Variants in SCEL observed in about 807,000 individuals in gnomAD.
SCEL encodes sciellin.
Under a neutral mutation model 117.6 loss-of-function variants are expected in SCEL, and 113 were observed. The ratio of observed to expected loss-of-function variants is 0.96; its 90% CI spans 0.83 to 1.12. The LOEUF is 1.12. Ranked by LOEUF, SCEL falls within the 50% of genes most tolerant of loss-of-function variation. SCEL has a pLI of 0.00. For synonymous variants in SCEL, 270 were observed against 256.2 expected (o/e 1.05, Z -0.51); for missense variants, 785 against 810.8 (o/e 0.97, Z 0.39).
At chr13:77,607,625 T>C (rs1482016791) in intron 19 of SCEL, among the ~76,000 whole-genome samples, 1 of 152,226 alleles carries the variant, frequency 6.6e-6, no homozygotes, top group African/African-American at 2.4e-5. Flanking sequence ...TTTTACAAAA[T>C]ATGGATTCTC....
Position 77,591,254 on chromosome 13 carries a change from T to C in SCEL, c.627-141T>C, listed in dbSNP as rs148316767. On this transcript the variant is annotated intron_variant, in intron 10 of 32. Transcript: ENST00000349847. Reference sequence around the variant, plus strand: ...CTGGAGTTCCCGCCAACCCAAAGAATTTAAGTTTGTTATCTCAGGTAGTGT... The same window carrying C: ...CTGGAGTTCCCGCCAACCCAAAGAACTTAAGTTTGTTATCTCAGGTAGTGT... The C allele has an allele frequency of 5.6e-4, 368 of 661,236 alleles. 2 individuals are homozygous for C. The African/African-American group carries it at 6.2e-3, about 11-fold the overall frequency. 41.0% of individuals were successfully genotyped at this position (661,236 alleles called of 1,614,324 possible).
In SCEL at chr13:77,644,258, C is replaced by T. The variant is rs541466633; in HGVS notation, c.2051C>T (p.Ala684Val). 17 of 1,612,882 alleles carry T rather than the reference C, an allele frequency of 1.1e-5. No individual in the cohort carries two copies. The South Asian group carries it at 1.8e-4, about 17-fold the overall frequency. ...ACGTCTTTTTTCTTTTAATTTGCAG[C>T]AAAGTGGATTCCATAACTCTGGCAC... Reference protein sequence around the residue: ...HCEPCYSKIMAKWIP With the variant: ...HCEPCYSKIMVKWIP The change falls in exon 33 of 33, where the codon GCA (alanine) becomes GTA (valine). Residue 684 changes from alanine (A) to valine (V), a missense_variant and splice_region_variant. Physicochemically the swap from Ala to Val is moderately conservative, Grantham distance 64. Coordinates refer to ENST00000349847, the MANE Select transcript of SCEL (RefSeq NM_144777.3).
intron 22 of SCEL, among the ~76,000 whole-genome samples, chr13:77,611,833 G>A (rs749166985): frequency 4.6e-5 from 7 of 152,048 alleles, no homozygotes; most frequent in African/African-American, 1.4e-4. Context: ...GATCATGCTC[G>A]TGAAACACTT....
At chr13:77,538,008 G>C (rs1214310853) in intron 1 of SCEL, among the ~76,000 whole-genome samples, 1 of 151,664 alleles carries the variant, frequency 6.6e-6, no homozygotes. Flanking sequence ...ACCATTTGTT[G>C]ATCATTTTCC....
chr13:77,537,485 A>T (rs2083469465), intron 1 of SCEL, among the ~76,000 whole-genome samples: 1 of 152,220 alleles, frequency 6.6e-6, no homozygotes, highest in Non-Finnish European at 1.5e-5. Context: ...TGGAAATATT[A>T]TAGTGTGTAT....
intron 5 of SCEL, among the ~76,000 whole-genome samples, chr13:77,566,245 T>C (rs1385724983): frequency 6.6e-6 from 1 of 152,182 alleles, no homozygotes; most frequent in African/African-American, 2.4e-5. Context: ...ATTTGGGAGA[T>C]AGACTACTTT....
chr13:77,563,762 T>C (rs2085119842), intron 4 of SCEL, 69 bp from the exon 5 acceptor site: 3 of 1,195,892 alleles, frequency 2.5e-6, no homozygotes, highest in Middle Eastern at 2.0e-4. Context: ...ATATGTATGA[T>C]AGGTTTTATA....
At chr13:77,616,534 T>C (rs1031453607) in intron 24 of SCEL, among the ~76,000 whole-genome samples, 3 of 152,006 alleles carry the variant, frequency 2.0e-5, no homozygotes, top group South Asian at 2.1e-4. Flanking sequence ...AATATTATCA[T>C]AGAAGAAAGC....
chr13:77,599,278 A>C (rs762601696), intron 13 of SCEL, 51 bp from the exon 14 acceptor site: 50 of 1,301,990 alleles, frequency 3.8e-5, no homozygotes, highest in Non-Finnish European at 4.9e-5. Context: ...TATAGAGTTA[A>C]GCATTGGTCA....
chr13:77,560,510 T>C (rs991982693), intron 4 of SCEL, among the ~76,000 whole-genome samples: 2 of 152,084 alleles, frequency 1.3e-5, no homozygotes, highest in East Asian at 1.9e-4. Flanking sequence ...AAGTCTAAAA[T>C]ACAGAAATAA....
At chr13:77,547,768 G>C (rs1039550982) in intron 1 of SCEL, among the ~76,000 whole-genome samples, 1 of 152,156 alleles carries the variant, frequency 6.6e-6, no homozygotes, top group African/African-American at 2.4e-5. Context: ...TCTCCAGAAG[G>C]CCTGGTTAAA....
At chr13:77,635,195 T>C (rs2090217502) in intron 29 of SCEL, among the ~76,000 whole-genome samples, 1 of 152,176 alleles carries the variant, frequency 6.6e-6, no homozygotes, top group Non-Finnish European at 1.5e-5. Context: ...CAAAAAAGGT[T>C]TCTCAAACCC....
chr13:77,565,801 A>T (rs1293385044), intron 5 of SCEL, among the ~76,000 whole-genome samples: 3 of 152,200 alleles, frequency 2.0e-5, no homozygotes, highest in Non-Finnish European at 2.9e-5. Context: ...ATAAATGTGT[A>T]TGTAGCATCC....
At chr13:77,621,518 G>A (rs1352303187) in intron 27 of SCEL, among the ~76,000 whole-genome samples, 1 of 152,134 alleles carries the variant, frequency 6.6e-6, no homozygotes, top group Non-Finnish European at 1.5e-5. Flanking sequence ...AGATGTTCTC[G>A]AGCTGTCTTT....
At chr13:77,572,023 G>A in intron 8 of SCEL, 101 bp from the exon 9 acceptor site, 2 of 943,894 alleles carry the variant, frequency 2.1e-6, no homozygotes, top group South Asian at 2.7e-5. Flanking sequence ...CCAAGGTTTG[G>A]TATAATCTCA....
intron 27 of SCEL, among the ~76,000 whole-genome samples, chr13:77,619,233 C>T (rs983955494): frequency 6.6e-6 from 1 of 152,180 alleles, no homozygotes; most frequent in African/African-American, 2.4e-5. Context: ...TGTTTTCTAT[C>T]TGAGTATCAT....
At chr13:77,587,838 T>C (rs971303385) in intron 9 of SCEL, among the ~76,000 whole-genome samples, 2 of 152,128 alleles carry the variant, frequency 1.3e-5, no homozygotes, top group Non-Finnish European at 2.9e-5. Context: ...TCTTTTTGTC[T>C]CTACTTACAC....
rs915194774 is a variant in SCEL, at chr13:77,559,834, C to T, written c.192C>T (p.Asn64=). Residue 64 remains asparagine, a synonymous_variant, in exon 4 of 33, where the codon AAC becomes AAT. Transcript: ENST00000349847. ...KDENYGRVVL[N]RHNSHDALDR... Reference sequence around the variant, plus strand: ...AAAATTACGGTAGGGTGGTGCTCAACCGACATAATTCCCATGATGCATTGG... The same window carrying T: ...AAAATTACGGTAGGGTGGTGCTCAATCGACATAATTCCCATGATGCATTGG... 3.1e-6 allele frequency: 5 copies of T among 1,613,694 alleles called. No homozygotes were observed. The African/African-American group carries it at 6.7e-5, about 22-fold the overall frequency.
At chr13:77,549,454 C>T (rs969829281) in intron 1 of SCEL, among the ~76,000 whole-genome samples, 2 of 152,214 alleles carry the variant, frequency 1.3e-5, no homozygotes, top group African/African-American at 4.8e-5. Context: ...ATATCACATT[C>T]TCTTATTGTC....
Sources: gnomAD v4.1 joint callset for allele counts (sites outside exome capture counted in the v4.1 genomes callset) on GRCh38, gnomAD v4.1.1 for gene constraint, MANE v1.5 for transcripts, NCBI Gene and HGNC (gene_info 2026-07-23, HGNC 2026-07-21) for gene names.